SLC13A3: variants seen among roughly 807,000 people sequenced by gnomAD.
SLC13A3 encodes Na(+)/dicarboxylate cotransporter 3.
SLC13A3 carries 40 observed loss-of-function variants against 59.0 expected under a neutral mutation model. That is an observed-to-expected ratio of 0.68 (90% CI 0.53 to 0.88). The LOEUF is 0.88. Among genes scored for constraint, SLC13A3 ranks in the 40% least tolerant of loss-of-function variants. The probability of loss-of-function intolerance (pLI) is 0.00; values close to 1 mark genes in which losing one functional copy is unlikely to be tolerated. For synonymous variants in SLC13A3, 317 were observed against 330.3 expected (o/e 0.96, Z 0.44); for missense variants, 699 against 783.2 (o/e 0.89, Z 1.28).
chr20:46,583,219 A>G, intron 9 of SLC13A3: 1 of 544,120 alleles, frequency 1.8e-6, no homozygotes, highest in African/African-American at 2.0e-5. Context: ...GCAAAATTTG[A>G]TACATGGACA....
chr20:46,564,761 C>T (rs1019895904), intron 11 of SLC13A3, among the ~76,000 whole-genome samples: 1 of 152,186 alleles, frequency 6.6e-6, no homozygotes, highest in Non-Finnish European at 1.5e-5. Context: ...TCAATGAATG[C>T]ATAGACAAGG....
intron 1 of SLC13A3, among the ~76,000 whole-genome samples, chr20:46,624,214 T>C (rs980358202): frequency 6.6e-5 from 10 of 152,176 alleles, no homozygotes; most frequent in Admixed American, 2.0e-4. Flanking sequence ...CTCCAGAAAA[T>C]AACCTATCTG....
intron 5 of SLC13A3, 82 bp downstream of exon 5, chr20:46,596,075 A>C (rs2062308973): frequency 2.2e-6 from 3 of 1,336,536 alleles, no homozygotes; most frequent in South Asian, 2.8e-5. Flanking sequence ...CCCTCAATAC[A>C]CATTCCCTGG....
At chr20:46,601,525 G>A (rs1295979237) in intron 3 of SLC13A3, among the ~76,000 whole-genome samples, 3 of 152,316 alleles carry the variant, frequency 2.0e-5, no homozygotes, top group South Asian at 4.2e-4. Context: ...GACAAAAGAT[G>A]AAAGTCCATG....
At chr20:46,647,694 A>C (rs2062908680) in intron 1 of SLC13A3, among the ~76,000 whole-genome samples, 1 of 152,214 alleles carries the variant, frequency 6.6e-6, no homozygotes, top group African/African-American at 2.4e-5. Context: ...TCTGCTCTGC[A>C]GATTGACTCC....
At chr20:46,600,878 A>G (rs1351875429) in intron 3 of SLC13A3, among the ~76,000 whole-genome samples, 1 of 152,202 alleles carries the variant, frequency 6.6e-6, no homozygotes, top group Non-Finnish European at 1.5e-5. Context: ...ATGTGACTGG[A>G]AAGTGGAGAG....
At chr20:46,598,607 C>T (rs2062339908) in intron 4 of SLC13A3, among the ~76,000 whole-genome samples, 1 of 152,184 alleles carries the variant, frequency 6.6e-6, no homozygotes, top group African/African-American at 2.4e-5. Flanking sequence ...AATCACAGAA[C>T]TCATGTCTCA....
At chr20:46,568,127 G>C in intron 10 of SLC13A3, among the ~76,000 whole-genome samples, 1 of 152,058 alleles carries the variant, frequency 6.6e-6, no homozygotes, top group East Asian at 1.9e-4. Flanking sequence ...AGGCATGGTG[G>C]CTCACGCCTG....
At chr20:46,588,305 G>C in intron 7 of SLC13A3, 142 bp from the exon 8 acceptor site, 1 of 541,186 alleles carries the variant, frequency 1.8e-6, no homozygotes, top group East Asian at 3.1e-5. Flanking sequence ...ACTCCCCAGG[G>C]AGTGCCCAGA....
chr20:46,588,575 C>T (rs1043304966), intron 7 of SLC13A3, among the ~76,000 whole-genome samples: 2 of 151,828 alleles, frequency 1.3e-5, no homozygotes, highest in South Asian at 2.1e-4. Context: ...GAGAGAGAGA[C>T]AGAAAAACAC....
At position 46,624,996 on chromosome 20, in the gene SLC13A3, C is replaced by T. The variant is rs905564527; in HGVS notation, c.112-11271G>A. ...GAGAAGGGGGAGATCCTCTAGTCTC[C>T]CGACTCTGTAATGCTCACAAGAGAA... On this transcript the variant is annotated intron_variant, in intron 1 of 12. Transcript: ENST00000279027. Among the ~76,000 whole-genome samples, 7 of 152,130 alleles carry T rather than the reference C, an allele frequency of 4.6e-5. No homozygotes were observed. In the East Asian group the frequency reaches 1.3e-3, roughly 29 times the overall value.
chr20:46,636,583 A>G (rs1224779188), intron 1 of SLC13A3, among the ~76,000 whole-genome samples: 1 of 152,028 alleles, frequency 6.6e-6, no homozygotes, highest in African/African-American at 2.4e-5. Flanking sequence ...TTTTTGTTTT[A>G]CAAAGCACCT....
chr20:46,574,332 G>GT (rs1187039170), intron 10 of SLC13A3, among the ~76,000 whole-genome samples: 1 of 152,268 alleles, frequency 6.6e-6, no homozygotes, highest in African/African-American at 2.4e-5. Flanking sequence ...TCATGTCTCA[G>GT]TTTTCCTATC....
upstream of SLC13A3, among the ~76,000 whole-genome samples, chr20:46,653,232 C>T (rs184663879): frequency 3.0e-3 from 453 of 152,320 alleles, 2 homozygotes; most frequent in African/African-American, 0.01. Flanking sequence ...CTATATATCA[C>T]CAAGCAAACA....
chr20:46,655,936 T>C (rs967538608), upstream of SLC13A3, among the ~76,000 whole-genome samples: 2 of 143,120 alleles, frequency 1.4e-5, no homozygotes, highest in South Asian at 4.3e-4. Flanking sequence ...TATAATATAC[T>C]ACAGTATATA....
chr20:46,600,219 A>AGAGGGGGAGGGAGG (rs2062358709), intron 3 of SLC13A3, among the ~76,000 whole-genome samples, 182 bp from the exon 4 acceptor site: 1 of 115,352 alleles, frequency 8.7e-6, no homozygotes, highest in Non-Finnish European at 1.7e-5. Flanking sequence ...AGGAAGGGAG[A>AGAGGGGGAGGGAGG]GAGGGGGAGG....
intron 1 of SLC13A3, among the ~76,000 whole-genome samples, chr20:46,677,001 T>C (rs1265880218): frequency 4.0e-5 from 6 of 151,404 alleles, no homozygotes; most frequent in Admixed American, 2.0e-4. Flanking sequence ...GCAACCCCCA[T>C]CTCCTGGGTT....
At chr20:46,584,039 C>T in intron 8 of SLC13A3, 1 of 985,342 alleles carries the variant, frequency 1.0e-6, no homozygotes, top group Non-Finnish European at 1.2e-6. Flanking sequence ...CTTTGTTCAG[C>T]TTGTGCTTGA....
chr20:46,609,804 C>T (rs1462596357), intron 3 of SLC13A3, among the ~76,000 whole-genome samples: 1 of 152,240 alleles, frequency 6.6e-6, no homozygotes, highest in Non-Finnish European at 1.5e-5. Flanking sequence ...TAGCCACCAA[C>T]TTCCCACACC....
Sources: allele counts gnomAD v4.1 joint callset (sites outside exome capture counted in the v4.1 genomes callset), GRCh38; gene constraint gnomAD v4.1.1; transcripts MANE v1.5; gene names NCBI Gene and HGNC (gene_info 2026-07-23, HGNC 2026-07-21).